TRA2A: variants seen among roughly 807,000 people sequenced by gnomAD.
The protein encoded by TRA2A is transformer 2 alpha homolog.
A neutral mutation model predicts 45.7 loss-of-function variants in TRA2A; 31 were observed. The observed-to-expected ratio is 0.68, with a 90% confidence interval of 0.51 to 0.92. The LOEUF (loss-of-function observed/expected upper bound fraction) is 0.92, where lower values mean the gene tolerates loss of function less well. Ranked by LOEUF, TRA2A falls within the 40% of genes least tolerant of loss-of-function variation. The probability of loss-of-function intolerance (pLI) is 0.00; values close to 1 mark genes in which losing one functional copy is unlikely to be tolerated. For missense variants in TRA2A, 304 were observed against 367.5 expected (o/e 0.83, Z 1.41); for synonymous variants, 132 against 126.2 (o/e 1.05, Z -0.31).
At chr7:23,524,482 C>G (rs1030945926) in intron 1 of TRA2A, among the ~76,000 whole-genome samples, 1 of 152,050 alleles carries the variant, frequency 6.6e-6, no homozygotes, top group Non-Finnish European at 1.5e-5. Context: ...CCGCGCCCGG[C>G]CAACATCAGA....
rs552542819 is a variant in TRA2A at position 23,523,885 on chromosome 7, T to C, written c.37-2045A>G. On this transcript the variant is annotated intron_variant, in intron 1 of 7. Coordinates refer to ENST00000297071, the MANE Select transcript of TRA2A (RefSeq NM_013293.5). ...CTCATAAGAGTATCTTCCCCTCTTC[T>C]CTTTTGGCTTTCCTTTCCACAAAAC... Among the ~76,000 whole-genome samples the C allele has an allele frequency of 1.2e-3, 186 of 152,332 alleles. 8 individuals are homozygous for C. In the South Asian group the frequency reaches 0.038, roughly 31 times the overall value.
rs988145597 is a variant in TRA2A, at chr7:23,505,077, CT to C, written c.*481del. 7.8e-5 allele frequency: 12 copies of C among 152,912 alleles called. No homozygotes were observed. The highest frequency in any genetic ancestry group is 2.7e-4 in the African/African-American group (11 of 41,482). The allele number at this position is 152,912 out of a possible 1,614,324, so 9.5% of individuals were successfully genotyped here. A position where few individuals can be genotyped will look rare whatever the true frequency, so the allele number is the denominator to read the frequency against. On this transcript the variant is annotated 3_prime_UTR_variant, in exon 8 of 8. Coordinates refer to ENST00000297071, the MANE Select transcript of TRA2A (RefSeq NM_013293.5). ...CAAGCTTTTCATCTCTAAAAAAAAACTTTCAACTACCTGACTGTTCCATTCC... is the reference window on the plus strand; with the variant it reads ...CAAGCTTTTCATCTCTAAAAAAAAACTTCAACTACCTGACTGTTCCATTCC...
chr7:23,513,756 T>A (rs904784653), intron 3 of TRA2A, among the ~76,000 whole-genome samples: 1 of 152,316 alleles, frequency 6.6e-6, no homozygotes, highest in Non-Finnish European at 1.5e-5. Flanking sequence ...GGGTCATTTA[T>A]AATCTGACGT....
chr7:23,505,917 A>G (rs1789314122), intron 6 of TRA2A, 104 bp from the exon 7 acceptor site: 4 of 754,046 alleles, frequency 5.3e-6, no homozygotes, highest in Non-Finnish European at 6.3e-6. Context: ...ACCTAAGGTG[A>G]TAACTACTTA....
chr7:23,508,463 G>T (rs1198879260), intron 4 of TRA2A, among the ~76,000 whole-genome samples: 1 of 151,788 alleles, frequency 6.6e-6, no homozygotes, highest in African/African-American at 2.4e-5. Flanking sequence ...GTAGAGAAGG[G>T]GTCTAAACAG....
intron 1 of TRA2A, chr7:23,531,113 C>G: frequency 1.8e-6 from 1 of 547,484 alleles, no homozygotes; most frequent in Non-Finnish European, 2.3e-6. Flanking sequence ...AAAAGGGCTC[C>G]TTGCGTAGTT....
chr7:23,507,247 G>A, intron 5 of TRA2A, 173 bp downstream of exon 5: 1 of 575,952 alleles, frequency 1.7e-6, no homozygotes, highest in Non-Finnish European at 3.1e-6. Flanking sequence ...TTACAGGCAT[G>A]TGCCACCACA....
At chr7:23,520,500 G>A (rs1790086889) in intron 2 of TRA2A, among the ~76,000 whole-genome samples, 1 of 152,076 alleles carries the variant, frequency 6.6e-6, no homozygotes. Context: ...AAGTAATCAA[G>A]CACCGGGCTA....
At chr7:23,507,594 C>G (rs1398306412) in intron 4 of TRA2A, 59 bp from the exon 5 acceptor site, 7 of 1,213,906 alleles carry the variant, frequency 5.8e-6, no homozygotes, top group Non-Finnish European at 8.5e-6. Flanking sequence ...GTAATCATTA[C>G]TTAAAATTAA....
chr7:23,526,724 A>ACT (rs1469564479), intron 1 of TRA2A, among the ~76,000 whole-genome samples: 4 of 152,196 alleles, frequency 2.6e-5, no homozygotes, highest in African/African-American at 9.6e-5. Flanking sequence ...CTTAAAAAGA[A>ACT]GATAGCGACT....
chr7:23,505,848 T>C (rs964296134), intron 6 of TRA2A, 35 bp from the exon 7 acceptor site: 2 of 1,297,716 alleles, frequency 1.5e-6, no homozygotes, highest in East Asian at 2.4e-5. Context: ...GCATACTATA[T>C]AATCACTCCA....
chr7:23,531,536 G>A, intron 1 of TRA2A: 2 of 573,142 alleles, frequency 3.5e-6, no homozygotes, highest in Non-Finnish European at 6.2e-6. Flanking sequence ...GAAGCAATGC[G>A]GGGGCGGGGA....
Position 23,505,585 on chromosome 7 carries a change from CAAAAAAAA to C in TRA2A, c.839-24_839-17del, listed in dbSNP as rs5882904. On this transcript the variant is annotated splice_polypyrimidine_tract_variant and intron_variant, in intron 7 of 7. Coordinates refer to ENST00000297071, the MANE Select transcript of TRA2A (RefSeq NM_013293.5). ...CAATAGCGTCCTAAAAGAGAAAAAG[CAAAAAAAA>C]AAAAAAAAAAAAAAAGTTAACAATT... The C allele has an allele frequency of 8.2e-6, 2 of 243,548 alleles. No individual in the cohort carries two copies. The highest frequency in any genetic ancestry group is 1.3e-5 in the Non-Finnish European group (2 of 153,142). The allele number at this position is 243,548 out of a possible 1,614,324, so 15.1% of individuals were successfully genotyped here.
At chr7:23,506,024 C>T (rs1354181938) in intron 6 of TRA2A, 114 bp downstream of exon 6, 4 of 959,406 alleles carry the variant, frequency 4.2e-6, no homozygotes, top group Non-Finnish European at 6.3e-6. Context: ...CCAAAGGCGT[C>T]ATATATGATC....
chr7:23,508,543 G>A lies in TRA2A; in HGVS notation c.526-1008C>T, dbSNP rs1789446338. Among the ~76,000 whole-genome samples, 3 of 152,192 alleles carry A rather than the reference G, an allele frequency of 2.0e-5. No individual in the cohort carries two copies. The South Asian group carries it at 6.2e-4, about 31-fold the overall frequency. On this transcript the variant is annotated intron_variant, in intron 4 of 7. Transcript: ENST00000297071. ...AAGTTTCGCTCTTGTTGCACAGGCT[G>A]GAGTGCAATGGCGTGACCTCGGTTC...
chr7:23,528,302 G>C (rs557067789), intron 1 of TRA2A, among the ~76,000 whole-genome samples: 1 of 152,060 alleles, frequency 6.6e-6, no homozygotes, highest in Admixed American at 6.5e-5. Context: ...TCCGCCTCCC[G>C]GGTTCAAGTG....
chr7:23,507,157 ACT>A (rs1280635107), intron 5 of TRA2A: 2 of 433,706 alleles, frequency 4.6e-6, no homozygotes, highest in East Asian at 7.2e-5. Context: ...AAAGAGTCTC[ACT>A]CTGTTGCCCA....
chr7:23,507,484 C>T lies in TRA2A; in HGVS notation c.577G>A (p.Asp193Asn). The T allele has an allele frequency of 6.2e-7, 1 of 1,614,126 alleles. No homozygotes were observed. Among genetic ancestry groups the T allele is most frequent in the Non-Finnish European group, 8.5e-7 (1 of 1,180,030 alleles). Residue 193 changes from aspartate (D) to asparagine (N), a missense_variant, in exon 5 of 8, where the codon GAT becomes AAT. Asp to Asn is a conservative substitution (Grantham distance 23). Coordinates refer to ENST00000297071, the MANE Select transcript of TRA2A (RefSeq NM_013293.5). ...MELDGRRIRV[D>N]YSITKRAHTP... ...TGCGCTCTCTTGGTTATAGAATAAT[C>T]CACCCGAATTCTTCTACCATCCAGC...
At chr7:23,525,059 G>A (rs1415466624) in intron 1 of TRA2A, among the ~76,000 whole-genome samples, 1 of 152,068 alleles carries the variant, frequency 6.6e-6, no homozygotes, top group East Asian at 1.9e-4. Context: ...AAACTTAACT[G>A]GAAGAATAAA....
Sources: allele counts gnomAD v4.1 joint callset (sites outside exome capture counted in the v4.1 genomes callset), GRCh38; gene constraint gnomAD v4.1.1; transcripts MANE v1.5; gene names NCBI Gene and HGNC (gene_info 2026-07-23, HGNC 2026-07-21).